The following KANK1 variants were observed in gnomAD, a reference collection of about 807,000 sequenced individuals.
KANK1 encodes the protein KN motif and ankyrin repeat domain-containing protein 1.
Under a neutral mutation model 106.2 loss-of-function variants are expected in KANK1, and 109 were observed. That is an observed-to-expected ratio of 1.03 (90% CI 0.88 to 1.20). The LOEUF is 1.20. KANK1 is among the 50% of genes most tolerant of loss of function. The pLI is 0.00. For missense variants in KANK1, 2,399 were observed against 1,710.7 expected, an observed-to-expected ratio of 1.40 and a Z score of -7.10; for synonymous variants, 873 against 652.2, an observed-to-expected ratio of 1.34 and a Z score of -5.16.
At chr9:547,979 A>C (rs1308779382) in intron 1 of KANK1, among the ~76,000 whole-genome samples, 2 of 152,310 alleles carry the variant, frequency 1.3e-5, no homozygotes, top group African/African-American at 4.8e-5. Flanking sequence ...GACTGCAGGA[A>C]GTGTTGATAA....
chr9:572,141 T>A (rs2134881103), intron 1 of KANK1, among the ~76,000 whole-genome samples: 1 of 139,378 alleles, frequency 7.2e-6, no homozygotes, highest in South Asian at 2.3e-4. Flanking sequence ...ATGGTTGTAA[T>A]AAACAGTGAT....
chr9:646,167 C>T (rs1225482778), intron 1 of KANK1, among the ~76,000 whole-genome samples: 2 of 150,640 alleles, frequency 1.3e-5, no homozygotes, highest in Non-Finnish European at 2.9e-5. Context: ...TATCACCAGA[C>T]ACCACAAGGA....
At chr9:566,115 T>A (rs1426226372) in intron 1 of KANK1, among the ~76,000 whole-genome samples, 2 of 152,366 alleles carry the variant, frequency 1.3e-5, no homozygotes, top group South Asian at 4.1e-4. Flanking sequence ...CAACGTGTAG[T>A]ATTTGGTTTT....
chr9:682,594 T>C (rs1052710927), intron 2 of KANK1, among the ~76,000 whole-genome samples: 16 of 152,216 alleles, frequency 1.1e-4, no homozygotes, highest in African/African-American at 3.9e-4. Flanking sequence ...TTTGGATGTT[T>C]GGACTGCTTC....
At chr9:505,487 GT>G (rs2058710707) in intron 1 of KANK1, among the ~76,000 whole-genome samples, 2 of 152,242 alleles carry the variant, frequency 1.3e-5, no homozygotes, top group East Asian at 3.9e-4. Flanking sequence ...CGAATGTTGC[GT>G]TTTCTGTGCC....
chr9:734,499 C>G (rs959459850), intron 6 of KANK1: 4 of 356,308 alleles, frequency 1.1e-5, no homozygotes, highest in Non-Finnish European at 2.1e-5. Context: ...AACCCCGTCT[C>G]CACTAAAAAT....
intron 1 of KANK1, among the ~76,000 whole-genome samples, chr9:578,245 A>G (rs1821115442): frequency 6.6e-6 from 1 of 152,182 alleles, no homozygotes; most frequent in African/African-American, 2.4e-5. Context: ...ACAAAGTAGG[A>G]AACATTCTTC....
At chr9:744,929 A>C in intron 11 of KANK1, 1 of 1,430,912 alleles carries the variant, frequency 7.0e-7, no homozygotes, top group Non-Finnish European at 9.1e-7. Flanking sequence ...GATGGCAGGC[A>C]GCCTGTAGTC....
intron 3 of KANK1, chr9:484,440 T>A (rs1052850289): frequency 6.6e-6 from 1 of 152,256 alleles, no homozygotes; most frequent in Non-Finnish European, 1.5e-5. Flanking sequence ...TCCAGATGTG[T>A]CTGCTTTTGT....
At chr9:584,825 T>G (rs550526100) in intron 1 of KANK1, among the ~76,000 whole-genome samples, 1 of 152,314 alleles carries the variant, frequency 6.6e-6, no homozygotes, top group Admixed American at 6.5e-5. Context: ...TTGGTTGAGC[T>G]GTTAAGTTCA....
intron 1 of KANK1, among the ~76,000 whole-genome samples, chr9:626,472 T>C (rs957166069): frequency 2.0e-5 from 3 of 152,186 alleles, no homozygotes; most frequent in South Asian, 4.1e-4. Flanking sequence ...ATTATACTTA[T>C]TATTCTAGAT....
intron 1 of KANK1, among the ~76,000 whole-genome samples, chr9:595,249 A>G (rs567704540): frequency 2.6e-5 from 4 of 151,698 alleles, no homozygotes; most frequent in Admixed American, 6.5e-5. Flanking sequence ...CCCTGTCTCT[A>G]CTTTTAAAAT....
chr9:673,332 C>G (rs7027602), intron 1 of KANK1: 27,832 of 151,878 alleles, frequency 0.18, 3,392 homozygotes, highest in East Asian at 0.34. Flanking sequence ...GCCTCAGCCT[C>G]CCAAGTAGCT....
intron 11 of KANK1, 167 bp downstream of exon 11, chr9:744,756 CAGG>C (rs753061863): frequency 9.4e-5 from 141 of 1,507,564 alleles, no homozygotes; most frequent in Non-Finnish European, 1.2e-4. Context: ...CCGCAAAAAG[CAGG>C]AGAACTAATG....
chr9:587,828 G>A (rs763316258), intron 1 of KANK1, among the ~76,000 whole-genome samples: 1 of 152,198 alleles, frequency 6.6e-6, no homozygotes, highest in African/African-American at 2.4e-5. Context: ...CACTTTAGGA[G>A]GCCAAGGCAG....
chr9:541,857 AG>A (rs1260701924), intron 1 of KANK1, among the ~76,000 whole-genome samples: 1 of 152,144 alleles, frequency 6.6e-6, no homozygotes, highest in Non-Finnish European at 1.5e-5. Flanking sequence ...TGGGAGGTCG[AG>A]GCGGGCGGAT....
chr9:550,756 G>A (rs551912857), intron 1 of KANK1, among the ~76,000 whole-genome samples: 1 of 152,324 alleles, frequency 6.6e-6, no homozygotes, highest in South Asian at 2.1e-4. Flanking sequence ...GAGTTACAAG[G>A]TTAATTATGA....
chr9:741,080 C>T (rs1835359212), intron 9 of KANK1, 146 bp downstream of exon 9: 2 of 812,888 alleles, frequency 2.5e-6, no homozygotes, highest in South Asian at 1.9e-5. Context: ...CATACACTGC[C>T]TGGCACTCCT....
chr9:668,753 C>T lies in KANK1; in HGVS notation c.-83-8137C>T, dbSNP rs115694805. On this transcript the variant is annotated intron_variant, in intron 1 of 11. Coordinates refer to ENST00000382297, the MANE Select transcript of KANK1 (RefSeq NM_015158.5). ...ATAAGCAGTCCCCAGTCTGTTTTGG[C>T]GCCAGGGACCAGTTTCATGGAAGAC... Among the ~76,000 whole-genome samples, 233 of 152,220 alleles carry T rather than the reference C, an allele frequency of 1.5e-3. 1 individual carries two copies. Among genetic ancestry groups the T allele is most frequent in the African/African-American group, 5.4e-3 (225 of 41,520 alleles).
Sources: allele counts gnomAD v4.1 joint callset (sites outside exome capture counted in the v4.1 genomes callset), GRCh38; gene constraint gnomAD v4.1.1; transcripts MANE v1.5; gene names NCBI Gene and HGNC (gene_info 2026-07-23, HGNC 2026-07-21).